MGA: variants seen among roughly 807,000 people sequenced by gnomAD.
MGA encodes the protein MAX dimerization protein MGA, also known as MAX gene-associated protein.
In MGA, 40 loss-of-function variants were observed where a neutral mutation model predicts 261.1. The observed-to-expected ratio is 0.15, with a 90% CI of 0.12 to 0.20. The LOEUF is 0.20. MGA is among the 10% of genes least tolerant of loss of function. The pLI, the probability that MGA is intolerant of heterozygous loss-of-function variation, is 1.00. For synonymous variants in MGA, 1,302 were observed against 1,290.6 expected (o/e 1.01, Z -0.19); for missense variants, 3,397 against 3,630.5 (o/e 0.94, Z 1.65).
intron 5 of MGA, among the ~76,000 whole-genome samples, chr15:41,699,649 C>T (rs927157760): frequency 4.6e-5 from 7 of 152,178 alleles, no homozygotes; most frequent in African/African-American, 1.7e-4. Flanking sequence ...CCACAGGCGC[C>T]TGCCACCGCG....
At chr15:41,628,302 G>A (rs1473539393) in intron 1 of MGA, among the ~76,000 whole-genome samples, 1 of 151,124 alleles carries the variant, frequency 6.6e-6, no homozygotes, top group Non-Finnish European at 1.5e-5. Flanking sequence ...GAACCCGGGA[G>A]GTTGCGGTGA....
chr15:41,734,010 C>T (rs992474120), intron 11 of MGA, among the ~76,000 whole-genome samples: 3 of 150,684 alleles, frequency 2.0e-5, no homozygotes, highest in Non-Finnish European at 4.4e-5. Flanking sequence ...TCAGCTCAAG[C>T]GATCCTTCTG....
intron 2 of MGA, among the ~76,000 whole-genome samples, chr15:41,671,011 C>T (rs2058030417): frequency 6.6e-6 from 1 of 152,028 alleles, no homozygotes; most frequent in Non-Finnish European, 1.5e-5. Context: ...TATAGTAGGC[C>T]CACCACATCT....
At chr15:41,634,338 ACT>A (rs2056655463) in intron 1 of MGA, among the ~76,000 whole-genome samples, 3 of 152,132 alleles carry the variant, frequency 2.0e-5, no homozygotes, top group Admixed American at 2.0e-4. Context: ...TGCCATGGAC[ACT>A]GTTATTTCAT....
At chr15:41,653,507 T>A (rs928423354) in intron 1 of MGA, among the ~76,000 whole-genome samples, 8 of 151,860 alleles carry the variant, frequency 5.3e-5, no homozygotes, top group African/African-American at 1.9e-4. Flanking sequence ...TTTGAAGTAA[T>A]ATTTAAAATC....
chr15:41,757,699 G>A, intron 18 of MGA, 89 bp from the exon 19 acceptor site: 3 of 1,001,458 alleles, frequency 3.0e-6, no homozygotes, highest in Non-Finnish European at 4.5e-6. Context: ...GAAACTGGTT[G>A]TAATTTGGAA....
chr15:41,667,088 A>T (rs904401316), intron 1 of MGA, among the ~76,000 whole-genome samples: 2 of 152,138 alleles, frequency 1.3e-5, no homozygotes, highest in Non-Finnish European at 1.5e-5. Context: ...TCTGATAAGT[A>T]AAAAAACAGT....
chr15:41,690,993 T>C (rs1011008089), intron 2 of MGA, among the ~76,000 whole-genome samples: 2 of 138,608 alleles, frequency 1.4e-5, no homozygotes, highest in Admixed American at 1.5e-4. Context: ...AAGATTGCTT[T>C]GTTTTTTTTT....
At chr15:41,688,775 A>G (rs1237693662) in intron 2 of MGA, among the ~76,000 whole-genome samples, 1 of 152,240 alleles carries the variant, frequency 6.6e-6, no homozygotes, top group Admixed American at 6.5e-5. Context: ...CCATAACAAA[A>G]TATCGTAGAT....
At chr15:41,700,206 G>A (rs951179689) in intron 5 of MGA, among the ~76,000 whole-genome samples, 15 of 151,554 alleles carry the variant, frequency 9.9e-5, no homozygotes, top group Non-Finnish European at 1.9e-4. Flanking sequence ...TACCATGCCC[G>A]GCTAATTTTT....
At chr15:41,738,568 T>C (rs1194987280) in intron 13 of MGA, among the ~76,000 whole-genome samples, 1 of 152,202 alleles carries the variant, frequency 6.6e-6, no homozygotes, top group Non-Finnish European at 1.5e-5. Context: ...AACAGAGGTT[T>C]GCCTGATACA....
At chr15:41,635,560 A>T (rs1045038201) in intron 1 of MGA, among the ~76,000 whole-genome samples, 1 of 150,620 alleles carries the variant, frequency 6.6e-6, no homozygotes, top group Non-Finnish European at 1.5e-5. Flanking sequence ...GCTGAGTACG[A>T]TGGCATGTGC....
chr15:41,667,321 G>A (rs756176173), intron 1 of MGA, among the ~76,000 whole-genome samples: 2 of 150,964 alleles, frequency 1.3e-5, no homozygotes, highest in Non-Finnish European at 3.0e-5. Context: ...ATCTTGGCTC[G>A]CTGCAACTCC....
intron 1 of MGA, among the ~76,000 whole-genome samples, chr15:41,623,082 G>T (rs773602922): frequency 2.6e-5 from 4 of 152,070 alleles, no homozygotes; most frequent in African/African-American, 9.7e-5. Flanking sequence ...TGTTATCTCC[G>T]TTTTACCACT....
intron 18 of MGA, among the ~76,000 whole-genome samples, chr15:41,756,333 G>A (rs978020949): frequency 2.6e-5 from 4 of 152,126 alleles, no homozygotes; most frequent in African/African-American, 7.2e-5. Context: ...AGCCTCACAA[G>A]TAATTAAGGA....
At chr15:41,665,807 A>G (rs939311504) in intron 1 of MGA, among the ~76,000 whole-genome samples, 4 of 152,210 alleles carry the variant, frequency 2.6e-5, no homozygotes, top group Non-Finnish European at 4.4e-5. Flanking sequence ...CCACTAATCT[A>G]CTTTGTTTCT....
intron 1 of MGA, among the ~76,000 whole-genome samples, chr15:41,666,310 ACT>A (rs1284427374): frequency 5.9e-5 from 9 of 152,184 alleles, no homozygotes; most frequent in Non-Finnish European, 1.2e-4. Context: ...GACCAATACT[ACT>A]GTTTTCTTTT....
At chr15:41,676,785 TTTAA>T (rs1210344211) in intron 2 of MGA, among the ~76,000 whole-genome samples, 8 of 152,236 alleles carry the variant, frequency 5.3e-5, no homozygotes, top group African/African-American at 1.7e-4. Context: ...GATTTTAAAT[TTTAA>T]TTAATTGCTA....
At position 41,760,495 on chromosome 15, in the gene MGA, C is replaced by T. The variant is rs2151993745; in HGVS notation, c.7364C>T (p.Ser2455Phe). 6.2e-7 allele frequency: 1 copy of T among 1,613,994 alleles called. No homozygotes were observed. Among genetic ancestry groups the T allele is most frequent in the Non-Finnish European group, 8.5e-7 (1 of 1,179,884 alleles). ...AAGATCACATTGGGATTACTTCATT[C>T]TTCCAAGGTTTCCAAAAGTCTCATT... Residue 2455 changes from serine (S) to phenylalanine (F), a missense_variant, in exon 20 of 24, where the codon TCT becomes TTT. Ser to Phe is a radical substitution (Grantham distance 155). Coordinates refer to ENST00000219905, the MANE Select transcript of MGA (RefSeq NM_001164273.2).
Sources: gnomAD v4.1 joint callset for allele counts (sites outside exome capture counted in the v4.1 genomes callset) on GRCh38, gnomAD v4.1.1 for gene constraint, MANE v1.5 for transcripts, NCBI Gene and HGNC (gene_info 2026-07-23, HGNC 2026-07-21) for gene names.